Variants in OTUD3 observed in about 807,000 individuals in gnomAD.
OTUD3 encodes the protein OTU domain-containing protein 3.
A neutral mutation model predicts 46.2 loss-of-function variants in OTUD3; 24 were observed. The ratio of observed to expected loss-of-function variants is 0.52; its 90% confidence interval spans 0.38 to 0.73. The LOEUF (loss-of-function observed/expected upper bound fraction) is 0.73, where lower values mean the gene tolerates loss of function less well. Among genes scored for constraint, OTUD3 ranks in the 30% least tolerant of loss-of-function variants. The probability of loss-of-function intolerance (pLI) is 0.00; values close to 1 mark genes in which losing one functional copy is unlikely to be tolerated. For missense variants in OTUD3, 455 were observed against 523.3 expected, an observed-to-expected ratio of 0.87 and a Z score of 1.27; for synonymous variants, 189 against 195.4, an observed-to-expected ratio of 0.97 and a Z score of 0.27.
chr1:19,886,907 G>A (rs1176143314), intron 1 of OTUD3, among the ~76,000 whole-genome samples: 3 of 152,052 alleles, frequency 2.0e-5, no homozygotes, highest in Admixed American at 2.0e-4. Context: ...GCTGTCCAGG[G>A]GAAATAGAAT....
chr1:19,889,617 G>A (rs1443921975), intron 1 of OTUD3, among the ~76,000 whole-genome samples: 3 of 152,130 alleles, frequency 2.0e-5, no homozygotes, highest in South Asian at 4.1e-4. Flanking sequence ...GTGATAGTTC[G>A]GAATTTAGAA....
At chr1:19,892,562 C>T (rs527441482) in intron 2 of OTUD3, among the ~76,000 whole-genome samples, 76 of 152,302 alleles carry the variant, frequency 5.0e-4, no homozygotes, top group African/African-American at 1.8e-3. Context: ...AGAGAATCAG[C>T]AACATCTTTC....
chr1:19,892,722 A>G (rs554403324), intron 2 of OTUD3, among the ~76,000 whole-genome samples: 6 of 152,118 alleles, frequency 3.9e-5, no homozygotes, highest in African/African-American at 1.4e-4. Flanking sequence ...CTCTGTGGCC[A>G]TTTGCTTAGA....
chr1:19,910,023 G>C lies in OTUD3; in HGVS notation c.*2277G>C, dbSNP rs1430766605. On this transcript the variant is annotated 3_prime_UTR_variant, in exon 8 of 8. Transcript: ENST00000375120. ...ACTTCAGTGATACCTTCTAGCTAATGGTTTCAATTTAGACTTCACTGCCTC... is the reference window on the plus strand; with the variant it reads ...ACTTCAGTGATACCTTCTAGCTAATCGTTTCAATTTAGACTTCACTGCCTC... 1.3e-5 allele frequency: 2 copies of C among 152,304 alleles called. No individual in the cohort carries two copies. Among genetic ancestry groups the C allele is most frequent in the African/African-American group, 4.8e-5 (2 of 41,436 alleles). 9.4% of individuals were successfully genotyped at this position (152,304 alleles called of 1,614,324 possible).
rs964873525 is a variant in OTUD3 at position 19,910,393 on chromosome 1, AT to A, written c.*2656del. The A allele has an allele frequency of 1.2e-4, 18 of 151,200 alleles. No homozygotes were observed. Among genetic ancestry groups the A allele is most frequent in the South Asian group, 2.2e-4 (1 of 4,606 alleles). The allele number at this position is 151,200 out of a possible 1,614,324, so 9.4% of individuals were successfully genotyped here. A position where few individuals can be genotyped will look rare whatever the true frequency, so the allele number is the denominator to read the frequency against. On this transcript the variant is annotated 3_prime_UTR_variant, in exon 8 of 8. Coordinates refer to ENST00000375120, the MANE Select transcript of OTUD3 (RefSeq NM_015207.2). ...TAAAGGTTTTACGGATTTTGAAAAT[AT>A]TTTTTTTTAGAGGTCAAAATAAATA...
At chr1:19,886,003 GA>G (rs2045355324) in intron 1 of OTUD3, among the ~76,000 whole-genome samples, 4 of 152,318 alleles carry the variant, frequency 2.6e-5, no homozygotes, top group Admixed American at 2.6e-4. Flanking sequence ...TACATGGGTT[GA>G]GTCAGCTTAG....
In OTUD3 at chr1:19,909,440, T is replaced by C. The variant is rs933579683; in HGVS notation, c.*1694T>C. On this transcript the variant is annotated 3_prime_UTR_variant, in exon 8 of 8. Coordinates refer to ENST00000375120, the MANE Select transcript of OTUD3 (RefSeq NM_015207.2). Reference sequence around the variant, plus strand: ...TTTTTCTGTGCACGTCGCAGAGTCCTGAGCTTGAGGCTGTGTTACTCTACT... The same window carrying C: ...TTTTTCTGTGCACGTCGCAGAGTCCCGAGCTTGAGGCTGTGTTACTCTACT... 1 of 152,350 alleles carries C rather than the reference T, an allele frequency of 6.6e-6. No homozygotes were observed. The highest frequency in any genetic ancestry group is 2.4e-5 in the African/African-American group (1 of 41,456). The allele number at this position is 152,350 out of a possible 1,614,324, so 9.4% of individuals were successfully genotyped here.
At chr1:19,904,225 G>A in intron 4 of OTUD3, 42 bp from the exon 5 acceptor site, 3 of 1,497,216 alleles carry the variant, frequency 2.0e-6, no homozygotes, top group Non-Finnish European at 2.7e-6. Flanking sequence ...AACATAGTTT[G>A]ATTCTCAACA....
chr1:19,902,221 T>C (rs977098990), intron 4 of OTUD3, among the ~76,000 whole-genome samples: 2 of 152,196 alleles, frequency 1.3e-5, no homozygotes, highest in Admixed American at 1.3e-4. Context: ...AAGTTTTTTT[T>C]CGAGACGGAG....
chr1:19,904,015 G>A (rs1557681172), intron 4 of OTUD3, among the ~76,000 whole-genome samples: 1 of 152,206 alleles, frequency 6.6e-6, no homozygotes, highest in Non-Finnish European at 1.5e-5. Context: ...ATTTAGACAT[G>A]GGAGTGCGAA....
chr1:19,897,800 A>C, intron 4 of OTUD3, 138 bp downstream of exon 4: 1 of 840,760 alleles, frequency 1.2e-6, no homozygotes, highest in African/African-American at 1.7e-5. Context: ...TTTTAAAAAT[A>C]TTTTTTATTT....
intron 4 of OTUD3, 24 bp from the exon 5 acceptor site, chr1:19,904,243 C>T (rs1402437081): frequency 6.4e-7 from 1 of 1,562,068 alleles, no homozygotes; most frequent in Non-Finnish European, 8.7e-7. Context: ...ACATAGTTCC[C>T]TGATTATTAC....
intron 1 of OTUD3, among the ~76,000 whole-genome samples, chr1:19,886,201 ACT>A (rs1323346570): frequency 1.1e-4 from 16 of 151,966 alleles, no homozygotes; most frequent in East Asian, 5.8e-4. Flanking sequence ...AGAATGTATA[ACT>A]CTATTTATTA....
intron 6 of OTUD3, among the ~76,000 whole-genome samples, chr1:19,906,212 A>G: frequency 6.6e-6 from 1 of 152,264 alleles, no homozygotes; most frequent in East Asian, 1.9e-4. Flanking sequence ...GAAGCTGATC[A>G]AAAGGCTGGT....
Position 19,890,538 on chromosome 1 carries a change from G to A in OTUD3, c.370+5G>A. ...ACATTCCTTTTGAGAAGCATGGTAGGTTCACTGTGGGACATTGTGTCCTTC... is the reference window on the plus strand; with the variant it reads ...ACATTCCTTTTGAGAAGCATGGTAGATTCACTGTGGGACATTGTGTCCTTC... On this transcript the variant is annotated splice_donor_5th_base_variant and intron_variant, in intron 2 of 7. Coordinates refer to ENST00000375120, the MANE Select transcript of OTUD3 (RefSeq NM_015207.2). The A allele has an allele frequency of 6.2e-7, 1 of 1,613,358 alleles. No individual in the cohort carries two copies. The highest frequency in any genetic ancestry group is 8.5e-7 in the Non-Finnish European group (1 of 1,179,376).
At position 19,890,365 on chromosome 1, in the gene OTUD3, T is replaced by A. The variant is rs1397430742; in HGVS notation, c.222-20T>A. ...AAGTTCATTTTTGAAAGGTCTTGACTCGTGTTGTTGTTTTGACAGCAATTG... is the reference window on the plus strand; with the variant it reads ...AAGTTCATTTTTGAAAGGTCTTGACACGTGTTGTTGTTTTGACAGCAATTG... On this transcript the variant is annotated intron_variant, in intron 1 of 7. Transcript: ENST00000375120. 12 of 1,612,684 alleles carry A rather than the reference T, an allele frequency of 7.4e-6. No homozygotes were observed. The highest frequency in any genetic ancestry group is 1.0e-5 in the Non-Finnish European group (12 of 1,178,890).
intron 4 of OTUD3, among the ~76,000 whole-genome samples, chr1:19,902,174 G>C (rs1370344465): frequency 1.3e-5 from 2 of 152,046 alleles, no homozygotes; most frequent in African/African-American, 4.8e-5. Context: ...TCTGACAAAT[G>C]TTTTTTTCTT....
At chr1:19,897,920 T>C in intron 4 of OTUD3, 2 of 254,904 alleles carry the variant, frequency 7.8e-6, no homozygotes, top group Non-Finnish European at 1.5e-5. Flanking sequence ...TTTAAAATTA[T>C]TTTTATGTTT....
rs1430127220 is a variant in OTUD3 at position 19,907,668 on chromosome 1, C to T, written c.1119C>T (p.His373=). ...AAGCCCTGGAGAGCAGAGGTAGCCA[C>T]AGGGACAATAACAGAAGCGAAGCAG... The part of the protein sequence containing the change: ...RHKALESRGS[H]RDNNRSEAEA... Residue 373 remains histidine (H), a synonymous_variant, in exon 8 of 8, where the codon CAC becomes CAT. Coordinates refer to ENST00000375120, the MANE Select transcript of OTUD3 (RefSeq NM_015207.2). 1 of 1,614,084 alleles carries T rather than the reference C, an allele frequency of 6.2e-7. No homozygotes were observed. Among genetic ancestry groups the T allele is most frequent in the Non-Finnish European group, 8.5e-7 (1 of 1,180,042 alleles).
Sources: gnomAD v4.1 joint callset for allele counts (sites outside exome capture counted in the v4.1 genomes callset) on GRCh38, gnomAD v4.1.1 for gene constraint, MANE v1.5 for transcripts, NCBI Gene and HGNC (gene_info 2026-07-23, HGNC 2026-07-21) for gene names.